Variants in IGF2BP2 observed in about 807,000 individuals in gnomAD.
The protein encoded by IGF2BP2 is insulin like growth factor 2 mRNA binding protein 2.
In IGF2BP2, 17 loss-of-function variants were observed where a neutral mutation model predicts 75.8. That is an observed-to-expected ratio of 0.22 (90% CI 0.15 to 0.34). IGF2BP2 has a LOEUF of 0.34. Ranked by LOEUF, IGF2BP2 falls within the 10% of genes least tolerant of loss-of-function variation. The probability of loss-of-function intolerance (pLI) is 1.00; values close to 1 mark genes in which losing one functional copy is unlikely to be tolerated. For synonymous variants in IGF2BP2, 288 were observed against 295.6 expected, an observed-to-expected ratio of 0.97 and a Z score of 0.26; for missense variants, 516 against 772.4, an observed-to-expected ratio of 0.67 and a Z score of 3.93.
At chr3:185,738,928 T>C (rs1249377768) in intron 2 of IGF2BP2, among the ~76,000 whole-genome samples, 1 of 152,202 alleles carries the variant, frequency 6.6e-6, no homozygotes, top group Non-Finnish European at 1.5e-5. Flanking sequence ...TAAGTTAAGA[T>C]GAATAACTTT....
intron 2 of IGF2BP2, among the ~76,000 whole-genome samples, chr3:185,816,230 C>T (rs973085800): frequency 6.6e-6 from 1 of 152,148 alleles, no homozygotes; most frequent in Non-Finnish European, 1.5e-5. Flanking sequence ...AAATGTTTGT[C>T]TTGTTATGTC....
intron 2 of IGF2BP2, among the ~76,000 whole-genome samples, chr3:185,787,043 T>C (rs1430855509): frequency 6.6e-6 from 1 of 152,206 alleles, no homozygotes; most frequent in Non-Finnish European, 1.5e-5. Flanking sequence ...TGACTCCTGA[T>C]CCAGAGGAAT....
rs780378930 is a variant in IGF2BP2 at position 185,716,578 on chromosome 3, G to A, written c.240-18231C>T. 1.4e-4 allele frequency: 75 copies of A among 520,016 alleles called. 1 individual carries two copies. Among genetic ancestry groups the A allele is most frequent in the Non-Finnish European group, 6.2e-5 (16 of 259,866 alleles). 32.2% of individuals were successfully genotyped at this position (520,016 alleles called of 1,614,324 possible). On this transcript the variant is annotated intron_variant, in intron 2 of 15. Coordinates refer to ENST00000382199, the MANE Select transcript of IGF2BP2 (RefSeq NM_006548.6). Reference sequence around the variant, plus strand: ...CTGCTGGGCTGGCCACCAGACTCACGTCCTCAGTAAGGAATTTACCTCCTA... The same window carrying A: ...CTGCTGGGCTGGCCACCAGACTCACATCCTCAGTAAGGAATTTACCTCCTA...
intron 2 of IGF2BP2, among the ~76,000 whole-genome samples, chr3:185,740,569 T>C (rs1431931792): frequency 1.3e-5 from 2 of 152,230 alleles, no homozygotes; most frequent in East Asian, 3.8e-4. Flanking sequence ...TCATAATAGT[T>C]AAAACTGATT....
At chr3:185,787,235 G>A (rs1442945630) in intron 2 of IGF2BP2, among the ~76,000 whole-genome samples, 1 of 152,154 alleles carries the variant, frequency 6.6e-6, no homozygotes, top group Non-Finnish European at 1.5e-5. Flanking sequence ...TAAACAACGT[G>A]AATGTAGTTA....
intron 2 of IGF2BP2, among the ~76,000 whole-genome samples, chr3:185,815,590 G>A (rs913663504): frequency 7.9e-5 from 12 of 152,134 alleles, no homozygotes; most frequent in African/African-American, 2.7e-4. Flanking sequence ...TGCCTAGCAC[G>A]TAGCAGCCAC....
chr3:185,764,968 C>A (rs1343072500), intron 2 of IGF2BP2, among the ~76,000 whole-genome samples: 1 of 152,158 alleles, frequency 6.6e-6, no homozygotes, highest in African/African-American at 2.4e-5. Context: ...ATTTTGCTTG[C>A]AAACAGGCTG....
chr3:185,733,218 G>T (rs544569980), intron 2 of IGF2BP2, among the ~76,000 whole-genome samples: 8 of 152,222 alleles, frequency 5.3e-5, no homozygotes, highest in African/African-American at 1.9e-4. Context: ...AGGAACCTGA[G>T]AAAATGTAAA....
intron 2 of IGF2BP2, among the ~76,000 whole-genome samples, chr3:185,821,744 T>C (rs1393999299): frequency 6.6e-6 from 1 of 152,206 alleles, no homozygotes; most frequent in African/African-American, 2.4e-5. Context: ...GGGGTAGTTA[T>C]TTCACTGTTC....
At chr3:185,721,523 T>G (rs1448102641) in intron 2 of IGF2BP2, among the ~76,000 whole-genome samples, 1 of 152,156 alleles carries the variant, frequency 6.6e-6, no homozygotes, top group Non-Finnish European at 1.5e-5. Flanking sequence ...AAGCAGTTTT[T>G]TTTCTTTTCT....
At chr3:185,791,508 A>G (rs532249418) in intron 2 of IGF2BP2, among the ~76,000 whole-genome samples, 1 of 152,240 alleles carries the variant, frequency 6.6e-6, no homozygotes, top group Non-Finnish European at 1.5e-5. Flanking sequence ...ACCAAATTCA[A>G]CAAGGATCTC....
At chr3:185,656,083 T>G (rs1232432570) in intron 12 of IGF2BP2, among the ~76,000 whole-genome samples, 1 of 152,244 alleles carries the variant, frequency 6.6e-6, no homozygotes, top group East Asian at 1.9e-4. Context: ...CAAGCCCCTT[T>G]TAGTTGAAAC....
intron 2 of IGF2BP2, among the ~76,000 whole-genome samples, chr3:185,756,703 G>A (rs1160527084): frequency 3.9e-5 from 6 of 152,182 alleles, no homozygotes; most frequent in African/African-American, 1.4e-4. Flanking sequence ...GCCGGGCGTG[G>A]TGGCTCATGC....
intron 2 of IGF2BP2, among the ~76,000 whole-genome samples, chr3:185,744,791 AGAGT>A (rs1730029634): frequency 6.6e-6 from 1 of 152,232 alleles, no homozygotes; most frequent in African/African-American, 2.4e-5. Flanking sequence ...GCGGGGAGAC[AGAGT>A]GAGACTCTTT....
At chr3:185,741,991 G>C (rs148130847) in intron 2 of IGF2BP2, among the ~76,000 whole-genome samples, 63 of 152,238 alleles carry the variant, frequency 4.1e-4, no homozygotes, top group African/African-American at 1.3e-3. Context: ...GTATGTTATA[G>C]AAGGAAAAGA....
intron 2 of IGF2BP2, among the ~76,000 whole-genome samples, chr3:185,761,378 T>A (rs576791732): frequency 6.6e-6 from 1 of 152,116 alleles, no homozygotes; most frequent in African/African-American, 2.4e-5. Flanking sequence ...AAAACAGACA[T>A]GGAAGGTATC....
chr3:185,657,466 C>T, intron 11 of IGF2BP2, 64 bp from the exon 12 acceptor site: 1 of 1,273,992 alleles, frequency 7.8e-7, no homozygotes, highest in Non-Finnish European at 1.1e-6. Flanking sequence ...AGGCACTCAA[C>T]AGGTACCAAG....
rs182454835 is a variant in IGF2BP2 at position 185,645,504 on chromosome 3, G to A, written c.*27C>T. The stretch of plus-strand genomic sequence containing the variant: ...GGTGTTGGAAGGGCTACATTCATCC[G>A]TTGTTTTGCTGGTGCCTGTGGGAGC... On this transcript the variant is annotated 3_prime_UTR_variant, in exon 16 of 16. Transcript: ENST00000382199. This position sits in a 1 kb window ranked among gnomAD's most constrained non-coding sequence, Gnocchi z 4.9. The A allele has an allele frequency of 3.6e-5, 55 of 1,520,084 alleles. No individual in the cohort carries two copies. In the Middle Eastern group the frequency reaches 9.0e-4, roughly 25 times the overall value. 94.2% of individuals were successfully genotyped at this position (1,520,084 alleles called of 1,614,324 possible).
intron 2 of IGF2BP2, among the ~76,000 whole-genome samples, chr3:185,792,378 T>C (rs913262505): frequency 2.0e-5 from 3 of 152,046 alleles, no homozygotes; most frequent in African/African-American, 7.2e-5. Flanking sequence ...GCTGAGGCAA[T>C]TGGATCACTT....
Sources: gnomAD v4.1 joint callset for allele counts (sites outside exome capture counted in the v4.1 genomes callset) on GRCh38, gnomAD v4.1.1 for gene constraint, Gnocchi (gnomAD v3.1) non-coding constraint, MANE v1.5 for transcripts, NCBI Gene and HGNC (gene_info 2026-07-23, HGNC 2026-07-21) for gene names.